Variants in RNF20 observed in about 807,000 individuals in gnomAD.
The protein encoded by RNF20 is ring finger protein 20.
RNF20 carries 84 observed loss-of-function variants against 126.2 expected under a neutral mutation model. The observed-to-expected ratio is 0.67, with a 90% CI of 0.56 to 0.80. The LOEUF is 0.80. RNF20 is among the 30% of genes least tolerant of loss of function. RNF20 has a pLI of 0.00. For synonymous variants in RNF20, 400 were observed against 414.3 expected (o/e 0.97, Z 0.42); for missense variants, 869 against 1,188.2 (o/e 0.73, Z 3.95).
chr9:101,557,471 T>A lies in RNF20; in HGVS notation c.2257T>A (p.Leu753Met). 1 of 1,613,998 alleles carries A rather than the reference T, an allele frequency of 6.2e-7. No individual in the cohort carries two copies. Among genetic ancestry groups the A allele is most frequent in the Non-Finnish European group, 8.5e-7 (1 of 1,179,922 alleles). ...QEQNIRLMQQ[L>M]REKDDANFKL... ...GCAAAATATCCGTTTGATGCAGCAA[T>A]TGCGGGAGAAGGATGATGCAAATTT... Residue 753 changes from leucine to methionine, a missense_variant, in exon 16 of 20, where the codon TTG becomes ATG. By Grantham distance (15) the Leu-to-Met change is conservative (BLOSUM62 2). Around this residue, in one of 8 missense-constraint regions of RNF20, gnomAD observed 30 missense variants for 75.2 expected, o/e 0.40. Coordinates refer to ENST00000389120, the MANE Select transcript of RNF20 (RefSeq NM_019592.7).
intron 10 of RNF20, 68 bp from the exon 11 acceptor site, chr9:101,551,612 AATCC>A: frequency 5.9e-6 from 4 of 678,840 alleles, no homozygotes; most frequent in Non-Finnish European, 6.0e-6. Flanking sequence ...TTTTCAGAGT[AATCC>A]ATAGAATATG....
At chr9:101,544,598 C>T (rs1360869601) in intron 5 of RNF20, among the ~76,000 whole-genome samples, 169 bp from the exon 6 acceptor site, 2 of 151,970 alleles carry the variant, frequency 1.3e-5, no homozygotes, top group Non-Finnish European at 2.9e-5. Flanking sequence ...CCCAGCTACT[C>T]TGGAGGCTGA....
At chr9:101,556,824 A>G (rs905149541) in intron 15 of RNF20, among the ~76,000 whole-genome samples, 4 of 152,204 alleles carry the variant, frequency 2.6e-5, no homozygotes, top group Non-Finnish European at 4.4e-5. Flanking sequence ...TCTCCAAAAT[A>G]GGGAAAAAAA....
intron 18 of RNF20, 97 bp from the exon 19 acceptor site, chr9:101,561,813 T>G (rs1827631879): frequency 6.1e-6 from 5 of 815,730 alleles, no homozygotes; most frequent in Admixed American, 1.7e-5. Flanking sequence ...GGATAGAAAG[T>G]CCCCTCTTTT....
intron 5 of RNF20, among the ~76,000 whole-genome samples, chr9:101,542,230 T>C (rs1003254346): frequency 2.0e-5 from 3 of 152,246 alleles, no homozygotes; most frequent in African/African-American, 4.8e-5. Context: ...TTTCTTTTGC[T>C]TTTCCATTAG....
intron 2 of RNF20, among the ~76,000 whole-genome samples, chr9:101,535,769 C>T (rs561135047): frequency 1.9e-4 from 29 of 152,238 alleles, no homozygotes; most frequent in African/African-American, 5.3e-4. Flanking sequence ...TATATTCTTT[C>T]GAGAATCTGG....
chr9:101,536,083 C>G (rs1827178719), intron 2 of RNF20, among the ~76,000 whole-genome samples: 1 of 152,126 alleles, frequency 6.6e-6, no homozygotes, highest in African/African-American at 2.4e-5. Flanking sequence ...CTGTTAAGGG[C>G]TAACACTTTG....
intron 15 of RNF20, among the ~76,000 whole-genome samples, chr9:101,555,789 TAA>T (rs770343625): frequency 3.0e-5 from 4 of 133,554 alleles, no homozygotes; most frequent in Admixed American, 1.5e-4. Context: ...CCATCACTAT[TAA>T]AAAAAAAAAA....
chr9:101,562,389 T>C lies in RNF20; in HGVS notation c.2895T>C (p.Gly965=), dbSNP rs149310965. 71 of 1,613,808 alleles carry C rather than the reference T, an allele frequency of 4.4e-5. No homozygotes were observed. Among genetic ancestry groups the C allele is most frequent in the Non-Finnish European group, 6.0e-5 (71 of 1,179,898 alleles). ...GTCCCAAGTGTAATGCTGCTTTTGG[T>C]GCCAATGATTTTCATCGCATCTACA... The part of the protein sequence containing the change: ...RKCPKCNAAF[G]ANDFHRIYIG Residue 965 remains glycine, a synonymous_variant, in exon 20 of 20, where the codon GGT becomes GGC. Coordinates refer to ENST00000389120, the MANE Select transcript of RNF20 (RefSeq NM_019592.7).
At chr9:101,550,581 T>C in intron 9 of RNF20, 25 bp from the exon 10 acceptor site, 1 of 1,602,376 alleles carries the variant, frequency 6.2e-7, no homozygotes, top group Non-Finnish European at 8.5e-7. Context: ...ATTCTGCTTC[T>C]GACTTTGCTT....
intron 14 of RNF20, 29 bp downstream of exon 14, chr9:101,554,134 C>T: frequency 8.0e-7 from 1 of 1,249,754 alleles, no homozygotes; most frequent in African/African-American, 1.5e-5. Context: ...ACCTGTCCTT[C>T]TGGTTAAAAT....
rs1827455918 is a variant in RNF20, at chr9:101,552,091, C to A, written c.1409-50C>A. On this transcript the variant is annotated intron_variant, in intron 11 of 19. Transcript: ENST00000389120. Reference sequence around the variant, plus strand: ...GTGTTCTGTTCTTTCTCTCCTTGTGCCTTTGCCCTTACCACGGTTCCTCAT... The same window carrying A: ...GTGTTCTGTTCTTTCTCTCCTTGTGACTTTGCCCTTACCACGGTTCCTCAT... 3.1e-6 allele frequency: 5 copies of A among 1,612,248 alleles called. No homozygotes were observed. The East Asian group carries it at 6.7e-5, about 22-fold the overall frequency.
chr9:101,547,296 C>A, intron 8 of RNF20, 82 bp downstream of exon 8: 1 of 1,596,142 alleles, frequency 6.3e-7, no homozygotes, highest in Non-Finnish European at 8.6e-7. Flanking sequence ...TCACAAGTGA[C>A]ATCATGGGGT....
intron 14 of RNF20, 108 bp from the exon 15 acceptor site, chr9:101,554,586 G>GTA: frequency 1.1e-6 from 1 of 874,822 alleles, no homozygotes; most frequent in African/African-American, 1.7e-5. Flanking sequence ...CTATAATTCT[G>GTA]TAAAGACTCT....
chr9:101,556,485 A>G (rs1443803673), intron 15 of RNF20, among the ~76,000 whole-genome samples: 2 of 152,170 alleles, frequency 1.3e-5, no homozygotes, highest in Non-Finnish European at 2.9e-5. Flanking sequence ...ATTAAAAAAA[A>G]TAATGTTAGA....
Position 101,547,117 on chromosome 9 carries a change from A to G in RNF20, c.895-20A>G. ...AAATCTTAAGAGTCTCTCACTAAAG[A>G]ATCTTTGTGTTCTCTGTAGGTGAAT... On this transcript the variant is annotated intron_variant, in intron 7 of 19. Coordinates refer to ENST00000389120, the MANE Select transcript of RNF20 (RefSeq NM_019592.7). The G allele has an allele frequency of 6.2e-7, 1 of 1,613,054 alleles. No homozygotes were observed. Among genetic ancestry groups the G allele is most frequent in the East Asian group, 2.2e-5 (1 of 44,872 alleles).
intron 8 of RNF20, 64 bp downstream of exon 8, chr9:101,547,278 G>A (rs1827366661): frequency 1.3e-6 from 2 of 1,599,954 alleles, no homozygotes; most frequent in Admixed American, 1.7e-5. Context: ...AGGTACTTAG[G>A]ACTGTGTTCA....
intron 4 of RNF20, 46 bp from the exon 5 acceptor site, chr9:101,540,747 A>G (rs962429847): frequency 4.4e-5 from 70 of 1,593,138 alleles, no homozygotes; most frequent in Non-Finnish European, 5.7e-5. Context: ...TGTTATTTCC[A>G]GTTTATAATT....
At chr9:101,562,124 G>T in intron 19 of RNF20, 113 bp downstream of exon 19, 4 of 1,310,478 alleles carry the variant, frequency 3.1e-6, no homozygotes, top group South Asian at 1.4e-5. Flanking sequence ...TTGGAGGTTG[G>T]GGGGAAATGA....
Sources: allele counts gnomAD v4.1 joint callset (sites outside exome capture counted in the v4.1 genomes callset), GRCh38; gene constraint gnomAD v4.1.1; regional missense constraint gnomAD v4.1.1; transcripts MANE v1.5; gene names NCBI Gene and HGNC (gene_info 2026-07-23, HGNC 2026-07-21).